The following DACH2 variants were observed in gnomAD, a reference collection of about 807,000 sequenced individuals.
DACH2 encodes dachshund family transcription factor 2.
Under a neutral mutation model 35.8 loss-of-function variants are expected in DACH2, and 17 were observed. The observed-to-expected ratio is 0.48, with a 90% CI of 0.33 to 0.71. The LOEUF is 0.71. Ranked by LOEUF, DACH2 falls within the 30% of genes least tolerant of loss-of-function variation. DACH2 has a pLI of 0.02. For synonymous variants in DACH2, 195 were observed against 177.3 expected (o/e 1.10, Z -0.79); for missense variants, 469 against 472.7 (o/e 0.99, Z 0.07).
At chrX:86,757,694 TAA>T (rs1322395279) in intron 7 of DACH2, among the ~76,000 whole-genome samples, 1 of 111,379 alleles carries the variant, frequency 9.0e-6, no homozygotes. Context: ...TCTAGTTGTT[TAA>T]AAGTGTGTAG....
chrX:86,187,697 A>G (rs1219952168), intron 1 of DACH2, among the ~76,000 whole-genome samples: 1 of 111,341 alleles, frequency 9.0e-6, no homozygotes, highest in Non-Finnish European at 1.9e-5. Context: ...AAGCGCTGAG[A>G]TTACAGGCCT....
chrX:86,327,929 G>A (rs2035144406), intron 1 of DACH2, among the ~76,000 whole-genome samples: 1 of 111,024 alleles, frequency 9.0e-6, no homozygotes, highest in African/African-American at 3.3e-5. Context: ...TATTATGTTG[G>A]TATTTTTAGC....
At chrX:86,248,940 A>C (rs2033343723) in intron 1 of DACH2, among the ~76,000 whole-genome samples, 1 of 111,367 alleles carries the variant, frequency 9.0e-6, no homozygotes, top group Non-Finnish European at 1.9e-5. Context: ...TCAACAACAA[A>C]AAAAGCAATG....
intron 5 of DACH2, among the ~76,000 whole-genome samples, chrX:86,706,626 T>C (rs746545883): frequency 1.4e-3 from 153 of 110,344 alleles, no homozygotes; most frequent in Non-Finnish European, 2.6e-3. Flanking sequence ...TTTAAAAGAA[T>C]AGAAATCAGA....
At chrX:86,485,651 T>C in intron 2 of DACH2, among the ~76,000 whole-genome samples, 1 of 111,685 alleles carries the variant, frequency 9.0e-6, no homozygotes, top group Admixed American at 9.5e-5. Flanking sequence ...ACTATGTCAA[T>C]TATAAATTTA....
chrX:86,496,810 G>A (rs1322531728), intron 2 of DACH2, among the ~76,000 whole-genome samples: 1 of 110,852 alleles, frequency 9.0e-6, no homozygotes, highest in African/African-American at 3.3e-5. Context: ...TGGAATGGGT[G>A]TTTATTGCGG....
intron 4 of DACH2, among the ~76,000 whole-genome samples, chrX:86,687,069 A>AT (rs1377268134): frequency 1.8e-5 from 2 of 112,264 alleles, no homozygotes; most frequent in Non-Finnish European, 3.8e-5. Context: ...GAGTACTTAT[A>AT]TTTTTTAATT....
Position 86,297,195 on chromosome X carries a change from C to T in DACH2, c.489-79629C>T, listed in dbSNP as rs373436793. Among the ~76,000 whole-genome samples the T allele has an allele frequency of 2.7e-4, 30 of 109,397 alleles. No individual in the cohort carries two copies. The East Asian group carries it at 7.2e-3, about 26-fold the overall frequency. The allele number at this position is 109,397 out of a possible 115,157, so 95.0% of individuals were successfully genotyped here. A position where few individuals can be genotyped will look rare whatever the true frequency, so the allele number is the denominator to read the frequency against. The stretch of plus-strand genomic sequence containing the variant: ...TATTATGGGGTTAGAGAAAAAATAG[C>T]TTCGACCTTCTTAGGACATTCTTTT... On this transcript the variant is annotated intron_variant, in intron 1 of 11. Transcript: ENST00000373125.
At chrX:86,717,129 G>T (rs1248042625) in intron 6 of DACH2, among the ~76,000 whole-genome samples, 1 of 111,761 alleles carries the variant, frequency 8.9e-6, no homozygotes, top group African/African-American at 3.3e-5. Context: ...AATATATTTT[G>T]TCATATGCAT....
At chrX:86,290,807 G>A (rs1202244314) in intron 1 of DACH2, among the ~76,000 whole-genome samples, 1 of 98,896 alleles carries the variant, frequency 1.0e-5, no homozygotes, top group African/African-American at 3.9e-5. Flanking sequence ...CCAGTACCAT[G>A]CTGTTTTGGT....
At chrX:86,324,794 G>T (rs190323870) in intron 1 of DACH2, among the ~76,000 whole-genome samples, 2 of 108,235 alleles carry the variant, frequency 1.8e-5, no homozygotes, top group East Asian at 5.9e-4. Context: ...AGCCAGGATG[G>T]TCTCAATCTC....
At chrX:86,468,739 C>T (rs1351068807) in intron 2 of DACH2, among the ~76,000 whole-genome samples, 1 of 111,586 alleles carries the variant, frequency 9.0e-6, no homozygotes, top group African/African-American at 3.3e-5. Context: ...ATTCAAAGTT[C>T]AACAAAGCCT....
intron 3 of DACH2, among the ~76,000 whole-genome samples, chrX:86,596,187 C>T (rs2039709313): frequency 9.0e-6 from 1 of 111,667 alleles, no homozygotes; most frequent in Non-Finnish European, 1.9e-5. Flanking sequence ...CTGCTATAAA[C>T]ATTTTTGTAC....
intron 1 of DACH2, among the ~76,000 whole-genome samples, chrX:86,334,877 T>C (rs1041591336): frequency 1.8e-5 from 2 of 112,029 alleles, no homozygotes; most frequent in Admixed American, 1.9e-4. Context: ...TCTTCTAGGG[T>C]TTTTATGGTT....
rs1048388182 is a variant in DACH2, at chrX:86,314,849, A to G, written c.489-61975A>G. 2.7e-5 allele frequency among the ~76,000 whole-genome samples: 3 copies of G among 112,003 alleles called. 1 individual carries two copies. Among genetic ancestry groups the G allele is most frequent in the Non-Finnish European group, 3.8e-5 (2 of 53,271 alleles). On this transcript the variant is annotated intron_variant, in intron 1 of 11. Coordinates refer to ENST00000373125, the MANE Select transcript of DACH2 (RefSeq NM_053281.3). ...GAGGTAAGACGCTGCAGAAGAAAAG[A>G]TGGAAGCTAGCCAAAGTCAGTTCAT...
At chrX:86,717,747 A>AATATATATATATAT (rs3071844) in intron 6 of DACH2, among the ~76,000 whole-genome samples, 4 of 98,523 alleles carry the variant, frequency 4.1e-5, no homozygotes, top group Non-Finnish European at 2.0e-5. Context: ...TATTATATAT[A>AATATATATATATAT]ATATATATAT....
chrX:86,511,477 C>T (rs766304314), intron 2 of DACH2, among the ~76,000 whole-genome samples: 5 of 111,593 alleles, frequency 4.5e-5, no homozygotes, highest in African/African-American at 1.6e-4. Flanking sequence ...ACCATACTCA[C>T]TAAAGGGTCA....
intron 1 of DACH2, among the ~76,000 whole-genome samples, chrX:86,309,937 G>A (rs1475674632): frequency 8.9e-6 from 1 of 112,268 alleles, no homozygotes; most frequent in African/African-American, 3.2e-5. Context: ...TCTGCCACTT[G>A]GCACATATGA....
intron 2 of DACH2, among the ~76,000 whole-genome samples, chrX:86,437,914 G>A (rs1184705377): frequency 9.2e-6 from 1 of 108,456 alleles, no homozygotes; most frequent in Non-Finnish European, 1.9e-5. Context: ...AAGGGTAAAT[G>A]TGGAGATTTA....
Sources: allele counts gnomAD v4.1 joint callset (sites outside exome capture counted in the v4.1 genomes callset), GRCh38; gene constraint gnomAD v4.1.1; transcripts MANE v1.5; gene names NCBI Gene and HGNC (gene_info 2026-07-23, HGNC 2026-07-21).